Variants in KDM3A observed in about 807,000 individuals in gnomAD.
The protein encoded by KDM3A is lysine-specific demethylase 3A.
Under a neutral mutation model 158.0 loss-of-function variants are expected in KDM3A, and 60 were observed. The ratio of observed to expected loss-of-function variants is 0.38; its 90% CI spans 0.31 to 0.47. KDM3A has a LOEUF of 0.47. Ranked by LOEUF, KDM3A falls within the 20% of genes least tolerant of loss-of-function variation. The pLI, the probability that KDM3A is intolerant of heterozygous loss-of-function variation, is 0.99. For synonymous variants in KDM3A, 608 were observed against 549.3 expected (o/e 1.11, Z -1.49); for missense variants, 1,319 against 1,574.3 (o/e 0.84, Z 2.74).
At chr2:86,462,297 G>C (rs960273974) in intron 8 of KDM3A, among the ~76,000 whole-genome samples, 5 of 152,142 alleles carry the variant, frequency 3.3e-5, no homozygotes, top group Middle Eastern at 3.4e-3. Flanking sequence ...GCTCTTGGGA[G>C]AGTGAGGAAA....
chr2:86,450,641 C>T (rs946350210), intron 3 of KDM3A, among the ~76,000 whole-genome samples: 5 of 152,018 alleles, frequency 3.3e-5, no homozygotes, highest in Non-Finnish European at 5.9e-5. Context: ...TTGGAAAGGC[C>T]GGGAGAATGG....
intron 9 of KDM3A, among the ~76,000 whole-genome samples, chr2:86,464,621 G>A (rs763220865): frequency 6.6e-5 from 10 of 152,210 alleles, no homozygotes; most frequent in Non-Finnish European, 1.0e-4. Flanking sequence ...GTATAGTTGA[G>A]AAATTTGGCA....
intron 9 of KDM3A, among the ~76,000 whole-genome samples, 194 bp from the exon 10 acceptor site, chr2:86,466,178 G>GATA (rs58378769): frequency 1.3e-5 from 2 of 151,982 alleles, no homozygotes; most frequent in African/African-American, 4.8e-5. Context: ...GAGTGTTTAT[G>GATA]ATTTTTGCAG....
At chr2:86,475,979 C>G (rs1013150932) in intron 12 of KDM3A, among the ~76,000 whole-genome samples, 20 of 152,296 alleles carry the variant, frequency 1.3e-4, no homozygotes, top group African/African-American at 4.8e-4. Context: ...CCAGAGCTGC[C>G]TGGGAGAAAG....
intron 15 of KDM3A, chr2:86,479,943 G>T (rs139516320): frequency 3.6e-6 from 2 of 560,254 alleles, no homozygotes; most frequent in East Asian, 3.1e-5. Flanking sequence ...GGGTGCGGGG[G>T]GTAATACCTT....
rs768810548 is a variant in KDM3A at position 86,470,270 on chromosome 2, C to G, written c.1586C>G (p.Ala529Gly). The G allele has an allele frequency of 6.2e-7, 1 of 1,614,108 alleles. No individual in the cohort carries two copies. The highest frequency in any genetic ancestry group is 2.2e-5 in the East Asian group (1 of 44,878). Residue 529 changes from alanine (A) to glycine (G), a missense_variant, in exon 11 of 26, where the codon GCC becomes GGC. Around this residue, in one of 4 missense-constraint regions of KDM3A, gnomAD observed 652 missense variants for 627.2 expected, o/e 1.04. Transcript: ENST00000312912. ...AAAAAGCTGCAACAGAGTGGCGAGG[C>G]CTTCGTACAGGATGATTCTTGTGTG... ...KLKKLQQSGEAFVQDDSCVNI... is the reference protein window; with the variant it reads ...KLKKLQQSGEGFVQDDSCVNI...
At chr2:86,452,380 C>T (rs747347874) in intron 4 of KDM3A, among the ~76,000 whole-genome samples, 1 of 152,058 alleles carries the variant, frequency 6.6e-6, no homozygotes, top group Non-Finnish European at 1.5e-5. Context: ...AGATGTCTTT[C>T]AACAGAAACA....
chr2:86,484,181 G>T, intron 19 of KDM3A, 23 bp downstream of exon 19: 1 of 1,600,798 alleles, frequency 6.2e-7, no homozygotes, highest in South Asian at 1.1e-5. Flanking sequence ...GATCTTTTAA[G>T]GGGGTTGGGG....
intron 1 of KDM3A, 112 bp downstream of exon 1, chr2:86,441,556 G>C (rs1682705331): frequency 6.6e-6 from 1 of 151,240 alleles, no homozygotes. Flanking sequence ...ACGGGCGCCC[G>C]GGGTTCGGGG....
chr2:86,447,116 T>C (rs1483056978), intron 2 of KDM3A, among the ~76,000 whole-genome samples: 1 of 152,212 alleles, frequency 6.6e-6, no homozygotes, highest in Non-Finnish European at 1.5e-5. Context: ...CTGACTGACA[T>C]ATATGGTTTT....
At chr2:86,457,672 C>A (rs747890498) in intron 8 of KDM3A, among the ~76,000 whole-genome samples, 17 of 152,136 alleles carry the variant, frequency 1.1e-4, no homozygotes, top group Non-Finnish European at 2.2e-4. Flanking sequence ...CAATGCCTGG[C>A]ATGAAAAGAG....
intron 18 of KDM3A, 163 bp downstream of exon 18, chr2:86,482,857 C>A: frequency 1.5e-6 from 1 of 685,762 alleles, no homozygotes; most frequent in Non-Finnish European, 2.4e-6. Context: ...GGCCATGGGT[C>A]TTACTTTTTA....
chr2:86,485,871 A>G lies in KDM3A; in HGVS notation c.3313+12A>G. ...GTATAATGCTTATGGTAAGGAGGAG[A>G]TGGCTAACTTTAAAATGGAAATAAA... On this transcript the variant is annotated intron_variant, in intron 21 of 25. Transcript: ENST00000312912. The G allele has an allele frequency of 6.2e-7, 1 of 1,602,524 alleles. No homozygotes were observed. The highest frequency in any genetic ancestry group is 8.5e-7 in the Non-Finnish European group (1 of 1,171,182).
At chr2:86,490,827 C>T (rs1048541420) in intron 23 of KDM3A, 54 bp from the exon 24 acceptor site, 13 of 1,405,412 alleles carry the variant, frequency 9.2e-6, no homozygotes, top group Non-Finnish European at 1.3e-5. Flanking sequence ...AAAAAAATGG[C>T]TTATTGGGCC....
At chr2:86,440,633 AT>A (rs1266143223), upstream of KDM3A, 3 of 152,258 alleles carry the variant, frequency 2.0e-5, no homozygotes, top group African/African-American at 7.2e-5. Flanking sequence ...TTTGCTCTAA[AT>A]TTAATGAACG....
intron 2 of KDM3A, among the ~76,000 whole-genome samples, chr2:86,444,185 T>A (rs1235457536): frequency 6.6e-6 from 1 of 152,150 alleles, no homozygotes; most frequent in Non-Finnish European, 1.5e-5. Context: ...GGAAATAGAT[T>A]TAGGAAAAGG....
At position 86,456,792 on chromosome 2, in the gene KDM3A, ATTTATT is replaced by A. The variant is rs748030549; in HGVS notation, c.682-8_682-3del. 1 of 1,601,400 alleles carries A rather than the reference ATTTATT, an allele frequency of 6.2e-7. No individual in the cohort carries two copies. The highest frequency in any genetic ancestry group is 1.3e-5 in the African/African-American group (1 of 74,700). ...TTTTATTTTCCGGTATCTTTGTTTC[ATTTATT>A]TTTAAGATTCCAGCACTGAAAATTG... is the stretch of plus-strand genomic sequence containing the variant. On this transcript the variant is annotated splice_polypyrimidine_tract_variant and splice_region_variant and intron_variant, in intron 6 of 25. Transcript: ENST00000312912.
Position 86,489,698 on chromosome 2 carries a change from A to G in KDM3A, c.3573+39A>G, listed in dbSNP as rs1249356904. 5.7e-6 allele frequency: 9 copies of G among 1,574,812 alleles called. No homozygotes were observed. In the Admixed American group the frequency reaches 1.7e-4, roughly 30 times the overall value. Reference sequence around the variant, plus strand: ...GGCATGTGTGAACAGAGGCATAAGGAATAGCAATATTATGTTACTACATGT... The same window carrying G: ...GGCATGTGTGAACAGAGGCATAAGGGATAGCAATATTATGTTACTACATGT... On this transcript the variant is annotated intron_variant, in intron 23 of 25. Coordinates refer to ENST00000312912, the MANE Select transcript of KDM3A (RefSeq NM_018433.6).
Position 86,478,035 on chromosome 2 carries a change from A to T in KDM3A, c.2092+6A>T, listed in dbSNP as rs1673739743. ...GAGAAAGAATTGCCAACAGGGTGAG[A>T]ACCGATTTGATTCTCCTCCAGCCCC... is the stretch of plus-strand genomic sequence containing the variant. On this transcript the variant is annotated splice_donor_region_variant and intron_variant, in intron 13 of 25. Coordinates refer to ENST00000312912, the MANE Select transcript of KDM3A (RefSeq NM_018433.6). The T allele has an allele frequency of 6.2e-7, 1 of 1,613,916 alleles. No homozygotes were observed. The highest frequency in any genetic ancestry group is 1.3e-5 in the African/African-American group (1 of 74,882).
Sources: allele counts gnomAD v4.1 joint callset (sites outside exome capture counted in the v4.1 genomes callset), GRCh38; gene constraint gnomAD v4.1.1; regional missense constraint gnomAD v4.1.1; transcripts MANE v1.5; gene names NCBI Gene and HGNC (gene_info 2026-07-23, HGNC 2026-07-21).